The following MROH6 variants were observed in gnomAD, a reference collection of about 807,000 sequenced individuals.
MROH6 encodes the protein maestro heat like repeat family member 6, also known as maestro heat-like repeat-containing protein family member 6.
MROH6 carries 62 observed loss-of-function variants against 67.7 expected under a neutral mutation model. The ratio of observed to expected loss-of-function variants is 0.92; its 90% CI spans 0.75 to 1.13. The LOEUF (loss-of-function observed/expected upper bound fraction) is 1.13. MROH6 is among the 50% of genes most tolerant of loss of function. The probability of loss-of-function intolerance (pLI) is 0.00; values close to 1 mark genes in which losing one functional copy is unlikely to be tolerated. For missense variants in MROH6, 1,175 were observed against 1,029.1 expected (o/e 1.14, Z -1.94); for synonymous variants, 566 against 470.8 (o/e 1.20, Z -2.62).
chr8:143,568,769 A>C, intron 9 of MROH6, 50 bp from the exon 10 acceptor site: 348 of 1,022,594 alleles, frequency 3.4e-4, no homozygotes, highest in Non-Finnish European at 4.3e-4. Flanking sequence ...AGGGGCTGCA[A>C]GGGTGGGAGG....
rs542288040 is a variant in MROH6, at chr8:143,571,544, C to T, written c.602+123G>A. On this transcript the variant is annotated intron_variant, in intron 3 of 13. Transcript: ENST00000398882. ...AATGGATACGGGGCATGAGTCATCGCGGGGCTGGAATAAGGAGGCCCTGCC... is the reference window on the plus strand; with the variant it reads ...AATGGATACGGGGCATGAGTCATCGTGGGGCTGGAATAAGGAGGCCCTGCC... 1.6e-4 allele frequency: 207 copies of T among 1,306,300 alleles called. 3 individuals carry two copies. The South Asian group carries it at 2.5e-3, about 16-fold the overall frequency. The allele number at this position is 1,306,300 out of a possible 1,614,324, so 80.9% of individuals were successfully genotyped here.
intron 12 of MROH6, 35 bp from the exon 13 acceptor site, chr8:143,567,711 C>T (rs1484376074): frequency 6.4e-7 from 1 of 1,574,034 alleles, no homozygotes; most frequent in Non-Finnish European, 8.6e-7. Flanking sequence ...GCAGGCCCCA[C>T]AGCCCCCCAG....
Position 143,568,561 on chromosome 8 carries a change from G to A in MROH6, c.1635C>T (p.Asp545=). 2.6e-6 allele frequency: 4 copies of A among 1,539,248 alleles called. No homozygotes were observed. The highest frequency in any genetic ancestry group is 3.5e-6 in the Non-Finnish European group (4 of 1,148,706). Residue 545 remains aspartate, a synonymous_variant, in exon 10 of 14, where the codon GAC becomes GAT. Coordinates refer to ENST00000398882, the MANE Select transcript of MROH6 (RefSeq NM_001100878.2). ...GTCGGGGGCTGCTGACCTCAGCAGC[G>A]TCCCTGCTGGGGTCATGCAGGCGCA... ...LLLRLHDPSR[D]AAESSEWTLA... is the part of the protein sequence containing the mutation.
In MROH6 at chr8:143,571,786, C is replaced by A. The variant is rs761977515; in HGVS notation, c.483G>T (p.Val161=). The A allele has an allele frequency of 1.9e-6, 3 of 1,547,304 alleles. No homozygotes were observed. The highest frequency in any genetic ancestry group is 2.6e-6 in the Non-Finnish European group (3 of 1,147,816). The change falls in exon 3 of 14, where the codon GTG becomes GTT. Residue 161 remains valine, a synonymous_variant. Transcript: ENST00000398882. ...AGGGCCTCCCCTCCGCTAGGCTGGG[C>A]ACCTGCGCCAGCAGCCCACGCACCA... ...HALVRGLLAQ[V]PSLAEGRPWR...
intron 2 of MROH6, 41 bp downstream of exon 2, chr8:143,571,992 C>T (rs762319512): frequency 6.3e-7 from 1 of 1,577,982 alleles, no homozygotes; most frequent in Admixed American, 1.8e-5. Flanking sequence ...GGTGCCCGAA[C>T]CGGCAGGATT....
Position 143,570,971 on chromosome 8 carries a change from C to G in MROH6, c.626G>C (p.Ser209Thr). Residue 209 changes from serine (S) to threonine (T), a missense_variant, in exon 4 of 14, where the codon AGC becomes ACC. By Grantham distance (58) the Ser-to-Thr change is moderately conservative (BLOSUM62 1). Transcript: ENST00000398882. Reference sequence around the variant, plus strand: ...ATTTACACGCTGGTTACGGCTTAGGCTGCGCCAGAGCTCGGCTGCTACCCT... The same window carrying G: ...ATTTACACGCTGGTTACGGCTTAGGGTGCGCCAGAGCTCGGCTGCTACCCT... ...ADRVAAELWR[S>T]LSRNQRVNGQ... 1 of 1,548,972 alleles carries G rather than the reference C, an allele frequency of 6.5e-7. No homozygotes were observed. Among genetic ancestry groups the G allele is most frequent in the Non-Finnish European group, 8.7e-7 (1 of 1,146,926 alleles).
Position 143,570,617 on chromosome 8 carries a change from C to T in MROH6, c.761G>A (p.Cys254Tyr), listed in dbSNP as rs985490982. Residue 254 changes from cysteine to tyrosine, a missense_variant, in exon 5 of 14, where the codon TGC (cysteine) becomes TAC (tyrosine). Coordinates refer to ENST00000398882, the MANE Select transcript of MROH6 (RefSeq NM_001100878.2). ...GTAGAAGCCCCTCGTGGCTCCCACG[C>T]AGCCCGAAACAGCCAGCATCTCCCC... ...ALGEMLAVSG[C>Y]VGATRGFYPH... The T allele has an allele frequency of 6.9e-6, 11 of 1,599,634 alleles. No individual in the cohort carries two copies. The highest frequency in any genetic ancestry group is 8.5e-6 in the Non-Finnish European group (10 of 1,179,488).
At position 143,570,332 on chromosome 8, in the gene MROH6, G is replaced by A. The variant is rs748915846; in HGVS notation, c.954C>T (p.Arg318=). ...LKALLTGDGG[R]MVVTCMEQAG... is the part of the protein sequence containing the mutation. ...CCTGCTCCATGCACGTGACCACCAT[G>A]CGGCCTCCATCCCCGGTGAGCAGCG... Residue 318 remains arginine, a synonymous_variant, in exon 6 of 14, where the codon CGC becomes CGT. Coordinates refer to ENST00000398882, the MANE Select transcript of MROH6 (RefSeq NM_001100878.2). The A allele has an allele frequency of 7.5e-6, 12 of 1,610,212 alleles. No individual in the cohort carries two copies. The highest frequency in any genetic ancestry group is 9.3e-6 in the Non-Finnish European group (11 of 1,179,776).
rs1397541318 is a variant in MROH6 at position 143,570,663 on chromosome 8, G to A, written c.721-6C>T. 4.4e-6 allele frequency: 7 copies of A among 1,588,780 alleles called. No homozygotes were observed. The highest frequency in any genetic ancestry group is 2.2e-5 in the South Asian group (2 of 89,936). ...TCCCCAAGAGCACGTGTGGCCTGTG[G>A]AGCAAGTGGCCCACTCAGGCCTGGG... On this transcript the variant is annotated splice_region_variant and splice_polypyrimidine_tract_variant and intron_variant, in intron 4 of 13. Coordinates refer to ENST00000398882, the MANE Select transcript of MROH6 (RefSeq NM_001100878.2).
chr8:143,568,626 G>T lies in MROH6; in HGVS notation c.1570C>A (p.Leu524Met), dbSNP rs1563915395. 6.5e-7 allele frequency: 1 copy of T among 1,538,864 alleles called. No homozygotes were observed. The highest frequency in any genetic ancestry group is 1.2e-5 in the South Asian group (1 of 84,394). The change falls in exon 10 of 14, where the codon CTG becomes ATG. Residue 524 changes from leucine (L) to methionine (M), a missense_variant. By Grantham distance (15) the Leu-to-Met change is conservative. Coordinates refer to ENST00000398882, the MANE Select transcript of MROH6 (RefSeq NM_001100878.2). ...AGACTCTGCAGCACCAGCTTCCGCA[G>T]GGGGCCGCGGAGCCCCAGCCGGAGC... ...GGLRLGLRGPLRKLVLQSLVP... is the reference protein window; with the variant it reads ...GGLRLGLRGPMRKLVLQSLVP...
intron 9 of MROH6, 88 bp downstream of exon 9, chr8:143,569,353 C>A (rs1284814220): frequency 1.0e-6 from 1 of 989,166 alleles, no homozygotes; most frequent in African/African-American, 3.8e-5. Context: ...GCGGGAGAGA[C>A]GGGGGCGGGG....
rs747490450 is a variant in MROH6 at position 143,570,484 on chromosome 8, A to G, written c.894T>C (p.His298=). 5 of 1,612,572 alleles carry G rather than the reference A, an allele frequency of 3.1e-6. No individual in the cohort carries two copies. The East Asian group carries it at 1.1e-4, about 36-fold the overall frequency. Residue 298 remains histidine, a synonymous_variant, in exon 5 of 14, where the codon CAT becomes CAC. Transcript: ENST00000398882. ...GTGTTGCCTCTCACCTGGCATGGCT[A>G]TGTGGTGGCCCTCGGTGGGACAGAA... ...IWVLSHRGPP[H]SHASCAVEAL...
rs1319031327 is a variant in MROH6, at chr8:143,568,539, G to T, written c.1644+13C>A. On this transcript the variant is annotated intron_variant, in intron 10 of 13. Coordinates refer to ENST00000398882, the MANE Select transcript of MROH6 (RefSeq NM_001100878.2). ...GATGGCATAGGGGTGGGATGGTGTC[G>T]GGGGCTGCTGACCTCAGCAGCGTCC... 6.6e-7 allele frequency: 1 copy of T among 1,517,106 alleles called. No homozygotes were observed. Among genetic ancestry groups the T allele is most frequent in the Non-Finnish European group, 8.8e-7 (1 of 1,137,124 alleles). The allele number at this position is 1,517,106 out of a possible 1,614,324, so 94.0% of individuals were successfully genotyped here.
At position 143,572,065 on chromosome 8, in the gene MROH6, G is replaced by A. The variant is rs776853426; in HGVS notation, c.415C>T (p.Leu139=). ...TCCAACCGCTCGCCCCGGGCCTCCA[G>A]GGCTGAGGACAGGGTGAGCACTGTC... is the stretch of plus-strand genomic sequence containing the variant. ...QATVLTLSSA[L]EARGERLEDQ... Residue 139 remains leucine (L), a synonymous_variant, in exon 2 of 14, where the codon CTG becomes TTG. Transcript: ENST00000398882. The A allele has an allele frequency of 2.5e-6, 4 of 1,612,520 alleles. No individual in the cohort carries two copies. The South Asian group carries it at 3.3e-5, about 13-fold the overall frequency.
rs538961414 is a variant in MROH6, at chr8:143,568,673, A to T, written c.1523T>A (p.Leu508Gln). 4 of 1,528,996 alleles carry T rather than the reference A, an allele frequency of 2.6e-6. No homozygotes were observed. In the African/African-American group the frequency reaches 5.5e-5, roughly 21 times the overall value. The allele number at this position is 1,528,996 out of a possible 1,614,324, so 94.7% of individuals were successfully genotyped here. The change falls in exon 10 of 14, where the codon CTG (leucine) becomes CAG (glutamine). Residue 508 changes from leucine to glutamine, a missense_variant. Physicochemically the swap from Leu to Gln is moderately radical, Grantham distance 113 (BLOSUM62 -2). Coordinates refer to ENST00000398882, the MANE Select transcript of MROH6 (RefSeq NM_001100878.2). The stretch of plus-strand genomic sequence containing the variant: ...GAGCCCGCCCCGGCCCCGGCGCACC[A>T]GAGTCCCAAGGAGCCCGACGGCCGA... ...RASAVGLLGTLVRRGRGGLRL... is the reference protein window; with the variant it reads ...RASAVGLLGTQVRRGRGGLRL...
At position 143,571,823 on chromosome 8, in the gene MROH6, TG is replaced by T; in HGVS notation, c.448-3del. ...CAGCCCACGCACCAGAGCATGCACC[TG>T]GTGGGGAAGGGGGCAGACTTCAGCA... On this transcript the variant is annotated splice_region_variant and splice_polypyrimidine_tract_variant and intron_variant, in intron 2 of 13. Transcript: ENST00000398882. The T allele has an allele frequency of 2.6e-6, 4 of 1,541,190 alleles. No homozygotes were observed. Among genetic ancestry groups the T allele is most frequent in the Middle Eastern group, 1.7e-4 (1 of 5,900 alleles).
chr8:143,568,440 T>G, intron 10 of MROH6, 112 bp downstream of exon 10: 1 of 1,441,822 alleles, frequency 6.9e-7, no homozygotes. Flanking sequence ...CACCTGCCAC[T>G]GAGGTCCTTG....
In MROH6 at chr8:143,570,940, C is replaced by T; in HGVS notation, c.657G>A (p.Gln219=). 6.5e-7 allele frequency: 1 copy of T among 1,549,242 alleles called. No individual in the cohort carries two copies. The highest frequency in any genetic ancestry group is 8.7e-7 in the Non-Finnish European group (1 of 1,146,940). The change falls in exon 4 of 14, where the codon CAG becomes CAA. Residue 219 remains glutamine (Q), a synonymous_variant. Transcript: ENST00000398882. ...GCGCCCACAGCAGTTGCACCAGCAC[C>T]TGCCCATTTACACGCTGGTTACGGC... ...SLSRNQRVNG[Q]VLVQLLWALK...
In MROH6 at chr8:143,567,361, C is replaced by T. The variant is rs1367025540; in HGVS notation, c.2038G>A (p.Gly680Arg). Residue 680 changes from glycine (G) to arginine (R), a missense_variant, in exon 14 of 14, where the codon GGG becomes AGG. Coordinates refer to ENST00000398882, the MANE Select transcript of MROH6 (RefSeq NM_001100878.2). The stretch of plus-strand genomic sequence containing the variant: ...GGGGCGATGCGGAGAAGGCGGGGCC[C>T]GCGGGGGCAGCCCCGGGCACGGGCC... Reference protein sequence around the residue: ...MLARARGCPRGPRLLRIAPRP... With the variant: ...MLARARGCPRRPRLLRIAPRP... 3.3e-6 allele frequency: 4 copies of T among 1,222,808 alleles called. No homozygotes were observed. The highest frequency in any genetic ancestry group is 1.6e-5 in the African/African-American group (1 of 63,486). The allele number at this position is 1,222,808 out of a possible 1,614,324, so 75.7% of individuals were successfully genotyped here.
Sources: allele counts gnomAD v4.1 joint callset, GRCh38; gene constraint gnomAD v4.1.1; transcripts MANE v1.5; gene names NCBI Gene and HGNC (gene_info 2026-07-23, HGNC 2026-07-21).